The following DNAH3 variants were observed in gnomAD, a reference collection of about 807,000 sequenced individuals.
DNAH3 encodes axonemal beta dynein heavy chain 3.
A neutral mutation model predicts 432.5 loss-of-function variants in DNAH3; 332 were observed. The observed-to-expected ratio is 0.77, with a 90% confidence interval of 0.70 to 0.84. DNAH3 has a LOEUF of 0.84. DNAH3 is among the 40% of genes least tolerant of loss of function. The pLI is 0.00. For synonymous variants in DNAH3, 1,956 were observed against 1,900.2 expected (o/e 1.03, Z -0.76); for missense variants, 4,861 against 5,114.0 (o/e 0.95, Z 1.51).
intron 15 of DNAH3, 55 bp downstream of exon 15, chr16:21,106,434 TA>T: frequency 7.5e-7 from 1 of 1,333,382 alleles, no homozygotes; most frequent in Non-Finnish European, 1.0e-6. Flanking sequence ...TATATACAAA[TA>T]TAAAATATAC....
At chr16:20,980,203 T>TTTATTTATA (rs887340597) in intron 49 of DNAH3, among the ~76,000 whole-genome samples, 1 of 116,910 alleles carries the variant, frequency 8.6e-6, no homozygotes, top group Non-Finnish European at 1.7e-5. Context: ...TTATTATATA[T>TTTATTTATA]TTATTTATAT....
rs1382453194 is a variant in DNAH3, at chr16:20,969,779, G to A, written c.8458+13C>T. ...AGCAGCCTGTGCAGGCATCTGGGTG[G>A]GGTGGCACTTACCGGAGCCACTGGG... On this transcript the variant is annotated intron_variant, in intron 52 of 61. Transcript: ENST00000261383. 1.9e-6 allele frequency: 3 copies of A among 1,613,834 alleles called. No homozygotes were observed. The highest frequency in any genetic ancestry group is 2.5e-6 in the Non-Finnish European group (3 of 1,179,846).
intron 21 of DNAH3, among the ~76,000 whole-genome samples, chr16:21,071,780 CAG>C (rs1491216370): frequency 1.3e-5 from 2 of 152,140 alleles, no homozygotes; most frequent in East Asian, 3.9e-4. Context: ...AAGTCAAATA[CAG>C]TCTAATCCAA....
Position 21,097,384 on chromosome 16 carries a change from A to G in DNAH3, c.2636T>C (p.Phe879Ser), listed in dbSNP as rs1267955650. The G allele has an allele frequency of 1.9e-5, 31 of 1,613,856 alleles. No individual in the cohort carries two copies. The highest frequency in any genetic ancestry group is 2.6e-5 in the Non-Finnish European group (31 of 1,179,954). The change falls in exon 18 of 62, where the codon TTC (phenylalanine) becomes TCC (serine). Residue 879 changes from phenylalanine (F) to serine (S), a missense_variant. By Grantham distance (155) the Phe-to-Ser change is radical. Coordinates refer to ENST00000261383, the Ensembl canonical transcript of DNAH3. ...CATCCATTCCTCTGACTTGATGCTG[A>G]ACTCATAGGCTGTCGACCACAGCTG... is the stretch of plus-strand genomic sequence containing the variant.
At chr16:21,032,440 C>CA (rs202112211) in intron 36 of DNAH3, among the ~76,000 whole-genome samples, 45 of 150,858 alleles carry the variant, frequency 3.0e-4, no homozygotes, top group Admixed American at 1.7e-3. Context: ...TATTTAATAA[C>CA]AAAAAAAAAT....
At chr16:20,937,569 C>T (rs35526598) in intron 59 of DNAH3, among the ~76,000 whole-genome samples, 3,305 of 131,120 alleles carry the variant, frequency 0.025, 71 homozygotes, top group South Asian at 0.052. Flanking sequence ...CTTGCCCTGT[C>T]ACCCAGGGAA....
At chr16:21,116,891 TACTTTTATATA>T (rs530957019) in intron 12 of DNAH3, among the ~76,000 whole-genome samples, 132 of 152,328 alleles carry the variant, frequency 8.7e-4, no homozygotes, top group African/African-American at 3.1e-3. Context: ...CGCATTATGT[TACTTTTATATA>T]ACCCAGAAAT....
intron 41 of DNAH3, among the ~76,000 whole-genome samples, chr16:21,007,963 C>A (rs1478126788): frequency 6.6e-6 from 1 of 152,144 alleles, no homozygotes; most frequent in Non-Finnish European, 1.5e-5. Context: ...TCATTCTTTT[C>A]CTATTTAATC....
chr16:21,094,105 A>C (rs1338847440), intron 18 of DNAH3, among the ~76,000 whole-genome samples: 1 of 152,194 alleles, frequency 6.6e-6, no homozygotes, highest in Non-Finnish European at 1.5e-5. Context: ...AAGACACTAT[A>C]AAGAGAATAA....
At chr16:20,986,983 A>G (rs1456706495) in intron 47 of DNAH3, among the ~76,000 whole-genome samples, 1 of 152,220 alleles carries the variant, frequency 6.6e-6, no homozygotes, top group Non-Finnish European at 1.5e-5. Context: ...GACAATGTAC[A>G]GTTCATTTCT....
At chr16:21,100,789 A>C (rs986818314) in intron 16 of DNAH3, among the ~76,000 whole-genome samples, 1 of 152,190 alleles carries the variant, frequency 6.6e-6, no homozygotes, top group African/African-American at 2.4e-5. Context: ...AGGTGCTGCT[A>C]AGTGCCTTTT....
chr16:21,031,155 G>T, exon 37 of DNAH3: 1 of 1,614,088 alleles, frequency 6.2e-7, no homozygotes, highest in South Asian at 1.1e-5. Context: ...GCTTGCTCCC[G>T]GAAAGCATTG....
At chr16:21,036,679 A>G (rs1252206601) in intron 35 of DNAH3, 35 bp downstream of exon 35, 30 of 1,600,256 alleles carry the variant, frequency 1.9e-5, no homozygotes, top group Non-Finnish European at 2.4e-5. Flanking sequence ...AGCAAACAGT[A>G]AAACAGGCAC....
intron 40 of DNAH3, among the ~76,000 whole-genome samples, chr16:21,020,387 A>AT (rs2088124092): frequency 2.9e-5 from 1 of 34,948 alleles, no homozygotes; most frequent in African/African-American, 1.6e-4. Context: ...ATATATATAT[A>AT]TATATATATA....
At chr16:21,147,693 C>T (rs1032356024) in intron 1 of DNAH3, among the ~76,000 whole-genome samples, 1 of 152,218 alleles carries the variant, frequency 6.6e-6, no homozygotes. Context: ...TGAGTGCATA[C>T]TGTGGAGTGA....
In DNAH3 at chr16:20,954,958, G is replaced by C. The variant is rs751789782; in HGVS notation, c.10926C>G (p.Asn3642Lys). 4 of 1,614,070 alleles carry C rather than the reference G, an allele frequency of 2.5e-6. No homozygotes were observed. In the African/African-American group the frequency reaches 5.3e-5, roughly 22 times the overall value. ...GGTCATTGAGGTAGGAGCGCAACAG[G>C]TTGGCCCGGAGCCCTTTGGGGGGCT... Residue 3642 changes from asparagine to lysine, a missense_variant, in exon 55 of 62, where the codon AAC becomes AAG. Coordinates refer to ENST00000261383, the Ensembl canonical transcript of DNAH3.
chr16:21,154,065 C>T (rs2092882817), intron 1 of DNAH3, among the ~76,000 whole-genome samples: 1 of 152,140 alleles, frequency 6.6e-6, no homozygotes, highest in African/African-American at 2.4e-5. Flanking sequence ...GGGTGTGAAA[C>T]CTCATGTCCC....
In DNAH3 at chr16:21,114,082, T is replaced by C. The variant is rs145924516; in HGVS notation, c.1815-1984A>G. ...GAAAATAAAATGGAACATATAACAA[T>C]ATAATGTAAAAATAAAAGTTATATG... On this transcript the variant is annotated intron_variant, in intron 12 of 61. Transcript: ENST00000261383. Among the ~76,000 whole-genome samples the C allele has an allele frequency of 4.1e-4, 63 of 152,268 alleles. 1 individual carries two copies. In the East Asian group the frequency reaches 0.011, roughly 27 times the overall value.
At chr16:21,044,819 A>C (rs2089619240) in intron 31 of DNAH3, among the ~76,000 whole-genome samples, 1 of 110,592 alleles carries the variant, frequency 9.0e-6, no homozygotes, top group Non-Finnish European at 1.8e-5. Context: ...TTTGTCATAG[A>C]TAGCTCTTAT....
Sources: allele counts gnomAD v4.1 joint callset (sites outside exome capture counted in the v4.1 genomes callset), GRCh38; gene constraint gnomAD v4.1.1; transcripts MANE v1.5; gene names NCBI Gene and HGNC (gene_info 2026-07-23, HGNC 2026-07-21).